TRIM29: variants seen among roughly 807,000 people sequenced by gnomAD.
TRIM29 encodes the protein tripartite motif containing 29.
A neutral mutation model predicts 57.3 loss-of-function variants in TRIM29; 52 were observed. The observed-to-expected ratio is 0.91, with a 90% confidence interval of 0.73 to 1.14. The LOEUF (loss-of-function observed/expected upper bound fraction) is 1.14. Among genes scored for constraint, TRIM29 ranks in the 50% most tolerant of loss-of-function variants. TRIM29 has a pLI of 0.00. For missense variants in TRIM29, 753 were observed against 774.6 expected (o/e 0.97, Z 0.33); for synonymous variants, 319 against 316.9 (o/e 1.01, Z -0.07).
In TRIM29 at chr11:120,125,863, G is replaced by C. The variant is rs368088333; in HGVS notation, c.1161C>G (p.Tyr387Ter). ...LQEFGALMSN[Y>*]SLPPPLPTYH... is the part of the protein sequence containing the mutation. ...AGGTGGGCAGGGGTGGGGGGAGAGA[G>C]TAATTGCTCATCAATGCACCAAATT... The change falls in exon 4 of 9, where the codon TAC (tyrosine) becomes TAG (stop). Residue 387 changes from tyrosine (Y) to a stop codon, truncating the protein, a stop_gained. Transcript: ENST00000341846. LOFTEE classifies it high-confidence loss of function. 6 of 1,613,888 alleles carry C rather than the reference G, an allele frequency of 3.7e-6. No individual in the cohort carries two copies. The highest frequency in any genetic ancestry group is 1.7e-5 in the Admixed American group (1 of 60,014).
Position 120,118,203 on chromosome 11 carries a change from G to T in TRIM29, c.1627+20C>A. 1 of 1,607,794 alleles carries T rather than the reference G, an allele frequency of 6.2e-7. No homozygotes were observed. The highest frequency in any genetic ancestry group is 8.5e-7 in the Non-Finnish European group (1 of 1,174,794). ...GAGGCAGCTGTGGAGGAAAGCAGGG[G>T]CCAGGGTGGGCAAGCTCACCTTTCA... On this transcript the variant is annotated intron_variant, in intron 7 of 8. Transcript: ENST00000341846.
At chr11:120,123,397 CCT>C (rs762543701) in intron 4 of TRIM29, 1 of 492,890 alleles carries the variant, frequency 2.0e-6, no homozygotes, top group South Asian at 1.5e-5. Flanking sequence ...GTTGTATCCC[CCT>C]GAGACAGATA....
intron 5 of TRIM29, chr11:120,121,716 G>T: frequency 4.0e-6 from 1 of 249,346 alleles, no homozygotes; most frequent in Non-Finnish European, 8.5e-6. Context: ...GGGTGCTGCT[G>T]TTCCCTCCAC....
chr11:120,114,828 C>T (rs1863226723), intron 8 of TRIM29, among the ~76,000 whole-genome samples: 1 of 152,192 alleles, frequency 6.6e-6, no homozygotes, highest in African/African-American at 2.4e-5. Context: ...TTCTGATATG[C>T]CTGGCCTCGG....
chr11:120,124,938 C>T (rs1863548370), intron 4 of TRIM29: 1 of 152,224 alleles, frequency 6.6e-6, no homozygotes, highest in Non-Finnish European at 1.5e-5. Context: ...CAGTCATTAA[C>T]AAGGCTGTAC....
At chr11:120,113,886 G>A (rs530449642) in intron 8 of TRIM29, among the ~76,000 whole-genome samples, 1 of 152,304 alleles carries the variant, frequency 6.6e-6, no homozygotes, top group South Asian at 2.1e-4. Flanking sequence ...TAAAAGCCTG[G>A]AGTGGTAGGT....
At chr11:120,128,769 C>T in intron 1 of TRIM29, 1 of 1,534,416 alleles carries the variant, frequency 6.5e-7, no homozygotes, top group Non-Finnish European at 8.7e-7. Flanking sequence ...AGGGCTAAAC[C>T]TCTGCCTATC....
intron 1 of TRIM29, among the ~76,000 whole-genome samples, chr11:120,131,455 A>AG (rs2135025494): frequency 6.6e-6 from 1 of 152,192 alleles, no homozygotes; most frequent in East Asian, 1.9e-4. Context: ...GAAACCTGTG[A>AG]GGGCAGGGCC....
chr11:120,116,947 A>G, intron 7 of TRIM29: 1 of 397,668 alleles, frequency 2.5e-6, no homozygotes, highest in South Asian at 1.9e-5. Flanking sequence ...GGGATGGAAA[A>G]TGGGCAGATA....
chr11:120,127,433 A>T lies in TRIM29; in HGVS notation c.1037T>A (p.Ile346Asn). ...GGCTCTCTCATCCAGAGCATCCATGATCACCTTCACTTGGTCCACAGCATC... is the reference window on the plus strand; with the variant it reads ...GGCTCTCTCATCCAGAGCATCCATGTTCACCTTCACTTGGTCCACAGCATC... ...EQDAVDQVKV[I>N]MDALDERAKV... Residue 346 changes from isoleucine (I) to asparagine (N), a missense_variant, in exon 3 of 9, where the codon ATC (isoleucine) becomes AAC (asparagine). Physicochemically the swap from Ile to Asn is moderately radical, Grantham distance 149 (BLOSUM62 -3). Coordinates refer to ENST00000341846, the MANE Select transcript of TRIM29 (RefSeq NM_012101.4). 1 of 1,614,138 alleles carries T rather than the reference A, an allele frequency of 6.2e-7. No individual in the cohort carries two copies.
At chr11:120,120,363 A>ACACAC (rs1863405508) in intron 6 of TRIM29, among the ~76,000 whole-genome samples, 1 of 149,144 alleles carries the variant, frequency 6.7e-6, no homozygotes, top group African/African-American at 2.5e-5. Flanking sequence ...ACACACACAC[A>ACACAC]CACACACACA....
intron 6 of TRIM29, chr11:120,118,699 T>G: frequency 5.2e-6 from 1 of 193,092 alleles, no homozygotes; most frequent in Non-Finnish European, 1.1e-5. Flanking sequence ...TAAGCCTCAG[T>G]GTCTGAGACA....
chr11:120,127,561 G>C lies in TRIM29; in HGVS notation c.909C>G (p.Thr303=), dbSNP rs974204601. The part of the protein sequence containing the change: ...QKEKDRIKSF[T]TNEKAILEQN... ...GCTCCAGGATGGCCTTCTCATTGGT[G>C]GTGAAGCTCTGGAGGTCCAGAGTCA... is the stretch of plus-strand genomic sequence containing the variant. Residue 303 remains threonine, a synonymous_variant, in exon 3 of 9, where the codon ACC becomes ACG. Transcript: ENST00000341846. 2.2e-5 allele frequency: 36 copies of C among 1,613,634 alleles called. No homozygotes were observed. The highest frequency in any genetic ancestry group is 3.0e-5 in the Non-Finnish European group (35 of 1,179,806).
intron 5 of TRIM29, 109 bp downstream of exon 5, chr11:120,122,845 G>T: frequency 2.5e-6 from 2 of 812,908 alleles, no homozygotes; most frequent in Non-Finnish European, 4.1e-6. Context: ...AACTGGACAT[G>T]CCATCACCCC....
intron 7 of TRIM29, chr11:120,116,887 CAG>C: frequency 2.9e-6 from 1 of 341,522 alleles, no homozygotes; most frequent in Admixed American, 3.6e-5. Flanking sequence ...CTAGAAGTGG[CAG>C]AGAGCCCCCC....
chr11:120,124,157 C>T (rs959541523), intron 4 of TRIM29: 8 of 154,086 alleles, frequency 5.2e-5, no homozygotes, highest in East Asian at 1.9e-4. Flanking sequence ...CTTGCCACCT[C>T]GCCACACACC....
At chr11:120,125,944 C>A in intron 3 of TRIM29, 55 bp from the exon 4 acceptor site, 1 of 1,564,334 alleles carries the variant, frequency 6.4e-7, no homozygotes, top group South Asian at 1.2e-5. Context: ...GCTATGAGGA[C>A]GCTTCTCTGC....
rs540760416 is a variant in TRIM29 at position 120,129,425 on chromosome 11, A to T, written c.805-930T>A. 7.2e-5 allele frequency among the ~76,000 whole-genome samples: 11 copies of T among 152,320 alleles called. No individual in the cohort carries two copies. In the East Asian group the frequency reaches 2.1e-3, roughly 29 times the overall value. ...AATAGGTGGATGATCTCCACCTGACAGAACAAAGCATCCAAGAGAGCCTTG... is the reference window on the plus strand; with the variant it reads ...AATAGGTGGATGATCTCCACCTGACTGAACAAAGCATCCAAGAGAGCCTTG... On this transcript the variant is annotated intron_variant, in intron 1 of 8. Transcript: ENST00000341846.
chr11:120,125,609 G>T (rs941453916), intron 4 of TRIM29, 82 bp downstream of exon 4: 72 of 1,502,666 alleles, frequency 4.8e-5, no homozygotes, highest in Non-Finnish European at 6.3e-5. Flanking sequence ...CTCACTGGAG[G>T]CCAGCCCATG....
Sources: gnomAD v4.1 joint callset for allele counts (sites outside exome capture counted in the v4.1 genomes callset) on GRCh38, gnomAD v4.1.1 for gene constraint, MANE v1.5 for transcripts, NCBI Gene and HGNC (gene_info 2026-07-23, HGNC 2026-07-21) for gene names.